The following WWOX variants were observed in gnomAD, a reference collection of about 807,000 sequenced individuals.
The protein encoded by WWOX is WW domain-containing oxidoreductase.
A neutral mutation model predicts 46.2 loss-of-function variants in WWOX; 69 were observed. That is an observed-to-expected ratio of 1.49 (90% confidence interval 1.23 to 1.82). WWOX has a LOEUF of 1.82. Ranked by LOEUF, WWOX falls within the 40% of genes most tolerant of loss-of-function variation. The probability of loss-of-function intolerance (pLI) is 0.00; values close to 1 mark genes in which losing one functional copy is unlikely to be tolerated. For synonymous variants in WWOX, 359 were observed against 202.6 expected, an observed-to-expected ratio of 1.77 and a Z score of -6.56; for missense variants, 919 against 542.6, an observed-to-expected ratio of 1.69 and a Z score of -6.89.
intron 8 of WWOX, among the ~76,000 whole-genome samples, chr16:78,619,335 C>G (rs927174901): frequency 1.1e-4 from 13 of 121,508 alleles, no homozygotes; most frequent in African/African-American, 4.1e-4. Context: ...GCACTCCAGC[C>G]TGGGCAACAG....
At chr16:79,031,919 TA>T (rs2047768467) in intron 8 of WWOX, among the ~76,000 whole-genome samples, 1 of 52,982 alleles carries the variant, frequency 1.9e-5, no homozygotes, top group Non-Finnish European at 5.0e-5. Flanking sequence ...TAGATATCTA[TA>T]TATATAGATA....
intron 8 of WWOX, among the ~76,000 whole-genome samples, chr16:79,025,762 T>G (rs2047626029): frequency 6.7e-6 from 1 of 148,158 alleles, no homozygotes; most frequent in African/African-American, 2.5e-5. Context: ...TCATCCTTCA[T>G]CTCCCCTGTT....
intron 8 of WWOX, among the ~76,000 whole-genome samples, chr16:78,627,536 G>A (rs1371224345): frequency 1.3e-5 from 2 of 152,156 alleles, no homozygotes; most frequent in Non-Finnish European, 2.9e-5. Flanking sequence ...ACCAATGAGA[G>A]TTCAGGTGTT....
chr16:78,118,605 C>T (rs983829091), intron 4 of WWOX, among the ~76,000 whole-genome samples: 90 of 152,248 alleles, frequency 5.9e-4, no homozygotes, highest in African/African-American at 2.0e-3. Context: ...TAATATGGCC[C>T]TTTGCTTGTT....
At chr16:78,731,368 G>A (rs191956940) in intron 8 of WWOX, among the ~76,000 whole-genome samples, 3 of 152,190 alleles carry the variant, frequency 2.0e-5, no homozygotes, top group Non-Finnish European at 4.4e-5. Flanking sequence ...TTTATAGATT[G>A]CATGACTTCA....
At chr16:79,061,315 C>T (rs376985934) in intron 8 of WWOX, among the ~76,000 whole-genome samples, 2 of 152,078 alleles carry the variant, frequency 1.3e-5, no homozygotes, top group Non-Finnish European at 2.9e-5. Flanking sequence ...TATATTAGCC[C>T]GGCACTGACT....
At chr16:78,702,100 T>TTTTATA (rs1491267639) in intron 8 of WWOX, among the ~76,000 whole-genome samples, 5 of 81,260 alleles carry the variant, frequency 6.2e-5, no homozygotes, top group African/African-American at 2.7e-4. Flanking sequence ...ATCTATAAAG[T>TTTTATA]TATATATATA....
At chr16:78,857,496 T>C (rs567915909) in intron 8 of WWOX, among the ~76,000 whole-genome samples, 215 of 152,290 alleles carry the variant, frequency 1.4e-3, no homozygotes, top group Middle Eastern at 3.4e-3. Context: ...CTTAAGCAAT[T>C]TTCTGATAAA....
intron 8 of WWOX, among the ~76,000 whole-genome samples, chr16:79,055,486 G>A (rs1435965934): frequency 5.9e-5 from 9 of 152,122 alleles, no homozygotes; most frequent in Non-Finnish European, 2.9e-5. Flanking sequence ...GAGGCCTTGT[G>A]GAGCGGGAAA....
intron 8 of WWOX, among the ~76,000 whole-genome samples, chr16:78,866,411 T>C (rs921479895): frequency 2.6e-5 from 4 of 151,230 alleles, no homozygotes; most frequent in South Asian, 2.1e-4. Context: ...GAAGAAATCA[T>C]TGAGACTGAT....
At chr16:78,314,352 G>C (rs1454312121) in intron 5 of WWOX, among the ~76,000 whole-genome samples, 5 of 147,642 alleles carry the variant, frequency 3.4e-5, no homozygotes, top group Non-Finnish European at 7.4e-5. Context: ...GTTGCAGTGA[G>C]CCGAGATCGA....
intron 8 of WWOX, among the ~76,000 whole-genome samples, chr16:78,843,244 C>G (rs1043021246): frequency 6.7e-6 from 1 of 150,102 alleles, no homozygotes; most frequent in Admixed American, 6.7e-5. Flanking sequence ...AATTCCAGAT[C>G]CTTCATGAGC....
chr16:78,916,714 T>G (rs762282450), intron 8 of WWOX, among the ~76,000 whole-genome samples: 2 of 152,212 alleles, frequency 1.3e-5, no homozygotes, highest in South Asian at 2.1e-4. Context: ...TAAAAGTGAT[T>G]CTTTCTAGGA....
chr16:78,164,383 G>C, intron 5 of WWOX, 94 bp downstream of exon 5: 1 of 1,103,056 alleles, frequency 9.1e-7, no homozygotes, highest in Non-Finnish European at 1.4e-6. Flanking sequence ...AAAGTTTATT[G>C]CTCTTGGAAT....
At chr16:78,418,807 G>C (rs2082859025) in intron 6 of WWOX, among the ~76,000 whole-genome samples, 1 of 151,852 alleles carries the variant, frequency 6.6e-6, no homozygotes, top group Non-Finnish European at 1.5e-5. Flanking sequence ...CTCAATAAAG[G>C]GCATCTGCAA....
At chr16:78,466,248 G>T (rs2084074860) in intron 8 of WWOX, among the ~76,000 whole-genome samples, 3 of 151,972 alleles carry the variant, frequency 2.0e-5, no homozygotes, top group Admixed American at 1.3e-4. Flanking sequence ...ACCCAGGATG[G>T]TCTCGATCTC....
chr16:78,425,282 T>C (rs923716969), intron 7 of WWOX, among the ~76,000 whole-genome samples: 1 of 152,180 alleles, frequency 6.6e-6, no homozygotes, highest in African/African-American at 2.4e-5. Flanking sequence ...ACGACTATAC[T>C]TCAAGCTCCT....
intron 8 of WWOX, among the ~76,000 whole-genome samples, chr16:78,847,947 C>G (rs58908863): frequency 0.019 from 2,947 of 152,166 alleles, 80 homozygotes; most frequent in African/African-American, 0.063. Context: ...ACGAACAACC[C>G]TGAGCTGACC....
chr16:78,289,679 G>A lies in WWOX; in HGVS notation c.517-97181G>A, dbSNP rs967750302. ...AAGTTTATATACACAGATTCCAATT[G>A]TAAAATCAAACCTATTTTGTTTTCT... On this transcript the variant is annotated intron_variant, in intron 5 of 8. Coordinates refer to ENST00000566780, the MANE Select transcript of WWOX (RefSeq NM_016373.4). Among the ~76,000 whole-genome samples the A allele has an allele frequency of 2.6e-5, 4 of 152,292 alleles. No individual in the cohort carries two copies. The East Asian group carries it at 7.7e-4, about 29-fold the overall frequency.
Sources: allele counts gnomAD v4.1 joint callset (sites outside exome capture counted in the v4.1 genomes callset), GRCh38; gene constraint gnomAD v4.1.1; transcripts MANE v1.5; gene names NCBI Gene and HGNC (gene_info 2026-07-23, HGNC 2026-07-21).